CD2BP2: variants seen among roughly 807,000 people sequenced by gnomAD.
The protein encoded by CD2BP2 is CD2 cytoplasmic tail binding protein 2.
In CD2BP2, 27 loss-of-function variants were observed where a neutral mutation model predicts 35.9. The observed-to-expected ratio is 0.75, with a 90% CI of 0.55 to 1.04. The LOEUF is 1.04. Ranked by LOEUF, CD2BP2 falls within the 50% of genes least tolerant of loss-of-function variation. CD2BP2 has a pLI of 0.00. For synonymous variants in CD2BP2, 213 were observed against 173.5 expected, an observed-to-expected ratio of 1.23 and a Z score of -1.79; for missense variants, 497 against 444.3, an observed-to-expected ratio of 1.12 and a Z score of -1.07.
Position 30,352,772 on chromosome 16 carries a change from A to T in CD2BP2, c.*213T>A. On this transcript the variant is annotated 3_prime_UTR_variant, in exon 7 of 7. Coordinates refer to ENST00000305596, the MANE Select transcript of CD2BP2 (RefSeq NM_006110.3). ...AAGAAGGATCTTCATGGGAGTACTC[A>T]GGGACCAAGACAAGTCCAAAGGGAC... 1.7e-6 allele frequency: 1 copy of T among 581,122 alleles called. No homozygotes were observed. 36.0% of individuals were successfully genotyped at this position (581,122 alleles called of 1,614,324 possible). A position where few individuals can be genotyped will look rare whatever the true frequency, so the allele number is the denominator to read the frequency against.
At position 30,353,655 on chromosome 16, in the gene CD2BP2, G is replaced by A. The variant is rs759402691; in HGVS notation, c.521C>T (p.Ala174Val). ...LLLPRETVAG[A>V]LRRLGARGGG... Reference sequence around the variant, plus strand: ...TCCTCGGGCCCCCAGACGCCTCAGTGCCCCAGCCACTGTCTCTCTAGGCAA... The same window carrying A: ...TCCTCGGGCCCCCAGACGCCTCAGTACCCCAGCCACTGTCTCTCTAGGCAA... Residue 174 changes from alanine to valine, a missense_variant, in exon 5 of 7, where the codon GCA (alanine) becomes GTA (valine). Physicochemically the swap from Ala to Val is moderately conservative, Grantham distance 64 (BLOSUM62 0). Coordinates refer to ENST00000305596, the MANE Select transcript of CD2BP2 (RefSeq NM_006110.3). 6.2e-7 allele frequency: 1 copy of A among 1,604,282 alleles called. No homozygotes were observed. Among genetic ancestry groups the A allele is most frequent in the Non-Finnish European group, 8.5e-7 (1 of 1,177,350 alleles).
At chr16:30,354,450 G>T in intron 2 of CD2BP2, 128 bp from the exon 3 acceptor site, 1 of 1,379,820 alleles carries the variant, frequency 7.2e-7, no homozygotes, top group Non-Finnish European at 1.0e-6. Flanking sequence ...TATTTCAGGA[G>T]CCACACTAAA....
intron 2 of CD2BP2, 46 bp downstream of exon 2, chr16:30,354,558 C>G (rs1260265787): frequency 1.9e-6 from 3 of 1,588,144 alleles, no homozygotes; most frequent in African/African-American, 1.3e-5. Flanking sequence ...CCTCTTCAGG[C>G]TTCTAGCTCC....
intron 4 of CD2BP2, 48 bp from the exon 5 acceptor site, chr16:30,353,848 G>A: frequency 1.2e-6 from 2 of 1,608,954 alleles, no homozygotes; most frequent in South Asian, 1.1e-5. Context: ...CACGGGAGCA[G>A]GCCCAGCATC....
chr16:30,353,146 A>C (rs772806516), intron 6 of CD2BP2, 35 bp downstream of exon 6: 2 of 1,607,962 alleles, frequency 1.2e-6, no homozygotes, highest in Non-Finnish European at 8.5e-7. Flanking sequence ...TGGGGGAAGC[A>C]GGGACAAGGC....
Position 30,352,627 on chromosome 16 carries a change from G to C in CD2BP2, c.*358C>G, listed in dbSNP as rs2049491306. 2 of 240,964 alleles carry C rather than the reference G, an allele frequency of 8.3e-6. No homozygotes were observed. The highest frequency in any genetic ancestry group is 2.2e-5 in the African/African-American group (1 of 45,012). The allele number at this position is 240,964 out of a possible 1,614,324, so 14.9% of individuals were successfully genotyped here. A position where few individuals can be genotyped will look rare whatever the true frequency, so the allele number is the denominator to read the frequency against. ...AGAATCTGAGGTCCTGAAAGCCAAA[G>C]ACCTAAGAGGAATCGAACAAGAAAC... On this transcript the variant is annotated 3_prime_UTR_variant, in exon 7 of 7. Coordinates refer to ENST00000305596, the MANE Select transcript of CD2BP2 (RefSeq NM_006110.3).
Position 30,353,047 on chromosome 16 carries a change from G to C in CD2BP2, c.964C>G (p.Leu322Val), listed in dbSNP as rs775228068. ...YFPDGVYCRK[L>V]DPPGGQFYNS... The stretch of plus-strand genomic sequence containing the variant: ...TAGAACTGACCACCAGGGGGGTCCA[G>C]CTTCCGGCAATAAACACCGTCCGGG... The change falls in exon 7 of 7, where the codon CTG (leucine) becomes GTG (valine). Residue 322 changes from leucine to valine, a missense_variant. By Grantham distance (32) the Leu-to-Val change is conservative. Coordinates refer to ENST00000305596, the MANE Select transcript of CD2BP2 (RefSeq NM_006110.3). 1.9e-6 allele frequency: 3 copies of C among 1,614,092 alleles called. No homozygotes were observed. The highest frequency in any genetic ancestry group is 2.2e-5 in the South Asian group (2 of 91,074).
chr16:30,354,737 G>C (rs1280328849), intron 1 of CD2BP2, 30 bp from the exon 2 acceptor site: 13 of 1,447,334 alleles, frequency 9.0e-6, no homozygotes, highest in Non-Finnish European at 1.3e-5. Flanking sequence ...GAAGGGAACC[G>C]GGTGAGGAGG....
At position 30,353,976 on chromosome 16, in the gene CD2BP2, G is replaced by A. The variant is rs963779793; in HGVS notation, c.300C>T (p.His100=). Residue 100 remains histidine, a synonymous_variant, in exon 4 of 7, where the codon CAC becomes CAT. Transcript: ENST00000305596. ...GGAAGTAGTTGCCATCGGCATCAAA[G>A]TGGCCTTCCTCCATCTCCTCCTGCA... The part of the protein sequence containing the change: ...FNLQEEMEEG[H]FDADGNYFLN... 3 of 1,614,048 alleles carry A rather than the reference G, an allele frequency of 1.9e-6. No individual in the cohort carries two copies. The highest frequency in any genetic ancestry group is 2.5e-6 in the Non-Finnish European group (3 of 1,180,056).
Position 30,351,678 on chromosome 16 carries a change from A to AT in CD2BP2, c.*1306dup, listed in dbSNP as rs2049483183. The AT allele has an allele frequency of 6.6e-6, 1 of 152,484 alleles. No individual in the cohort carries two copies. The highest frequency in any genetic ancestry group is 6.6e-5 in the Admixed American group (1 of 15,252). 9.4% of individuals were successfully genotyped at this position (152,484 alleles called of 1,614,324 possible). A position where few individuals can be genotyped will look rare whatever the true frequency, so the allele number is the denominator to read the frequency against. ...CTGCAGCTCCAGTGCCCAGACCCCC[A>AT]TAACTAACAGACCCCACTAAAGCCA... On this transcript the variant is annotated 3_prime_UTR_variant, in exon 7 of 7. Coordinates refer to ENST00000305596, the MANE Select transcript of CD2BP2 (RefSeq NM_006110.3).
At chr16:30,354,749 G>A (rs1377750553) in intron 1 of CD2BP2, 42 bp from the exon 2 acceptor site, 4 of 1,371,080 alleles carry the variant, frequency 2.9e-6, no homozygotes, top group African/African-American at 1.4e-5. Flanking sequence ...GTGAGGAGGG[G>A]ACTCGCCAAC....
intron 6 of CD2BP2, 29 bp from the exon 7 acceptor site, chr16:30,353,124 A>AGTT (rs1567406558): frequency 6.2e-7 from 1 of 1,608,222 alleles, no homozygotes; most frequent in Non-Finnish European, 8.5e-7. Context: ...GCTGGGGAAC[A>AGTT]ACTGACAGGA....
chr16:30,354,228 C>T lies in CD2BP2; in HGVS notation c.173G>A (p.Gly58Glu). 6.2e-7 allele frequency: 1 copy of T among 1,614,066 alleles called. No individual in the cohort carries two copies. Among genetic ancestry groups the T allele is most frequent in the South Asian group, 1.1e-5 (1 of 91,082 alleles). The change falls in exon 3 of 7, where the codon GGG becomes GAG. Residue 58 changes from glycine (G) to glutamate (E), a missense_variant. Coordinates refer to ENST00000305596, the MANE Select transcript of CD2BP2 (RefSeq NM_006110.3). ...DSDEEEDDDD[G>E]GSSKYDILAS... ...CAAGATGTCATATTTGCTGGACCCCCCATCATCATCATCCTCCTCCTCATC... is the reference window on the plus strand; with the variant it reads ...CAAGATGTCATATTTGCTGGACCCCTCATCATCATCATCCTCCTCCTCATC...
Position 30,352,810 on chromosome 16 carries a change from C to A in CD2BP2, c.*175G>T. 3.3e-6 allele frequency: 2 copies of A among 607,150 alleles called. No individual in the cohort carries two copies. The allele number at this position is 607,150 out of a possible 1,614,324, so 37.6% of individuals were successfully genotyped here. A position where few individuals can be genotyped will look rare whatever the true frequency, so the allele number is the denominator to read the frequency against. On this transcript the variant is annotated 3_prime_UTR_variant, in exon 7 of 7. Coordinates refer to ENST00000305596, the MANE Select transcript of CD2BP2 (RefSeq NM_006110.3). ...AGTCCAAAGGGACTGTGGAGAAGGC[C>A]CCTGGCTTCTGGCCATCAGCACAGC...
chr16:30,353,836 G>A, intron 4 of CD2BP2, 36 bp from the exon 5 acceptor site: 1 of 1,606,240 alleles, frequency 6.2e-7, no homozygotes, highest in African/African-American at 1.3e-5. Flanking sequence ...CCCACCAACT[G>A]CCACGGGAGC....
At chr16:30,354,900 G>A in intron 1 of CD2BP2, 193 bp from the exon 2 acceptor site, 2 of 570,004 alleles carry the variant, frequency 3.5e-6, no homozygotes, top group East Asian at 3.0e-5. Context: ...AGTTAAACGG[G>A]GCGGGGACGG....
chr16:30,354,878 C>G, intron 1 of CD2BP2, 171 bp from the exon 2 acceptor site: 1 of 601,862 alleles, frequency 1.7e-6, no homozygotes, highest in East Asian at 2.8e-5. Flanking sequence ...GGACTTGGGT[C>G]TAGCATCCGC....
At position 30,353,469 on chromosome 16, in the gene CD2BP2, G is replaced by A. The variant is rs1178595820; in HGVS notation, c.707C>T (p.Thr236Ile). 1.9e-6 allele frequency: 3 copies of A among 1,614,052 alleles called. No individual in the cohort carries two copies. The highest frequency in any genetic ancestry group is 1.1e-5 in the South Asian group (1 of 91,080). The change falls in exon 5 of 7, where the codon ACC becomes ATC. Residue 236 changes from threonine (T) to isoleucine (I), a missense_variant. By Grantham distance (89) the Thr-to-Ile change is moderately conservative. Coordinates refer to ENST00000305596, the MANE Select transcript of CD2BP2 (RefSeq NM_006110.3). The stretch of plus-strand genomic sequence containing the variant: ...GGGTGTGGGATTGTGGGGTCCTAGG[G>A]TCTGACACCCCAAACCCTTCAGACG... The part of the protein sequence containing the change: ...AMRLKGLGCQ[T>I]LGPHNPTPPP...
At position 30,353,217 on chromosome 16, in the gene CD2BP2, G is replaced by A. The variant is rs759162174; in HGVS notation, c.879C>T (p.Ala293=). 52 of 1,614,000 alleles carry A rather than the reference G, an allele frequency of 3.2e-5. No individual in the cohort carries two copies. The highest frequency in any genetic ancestry group is 4.0e-5 in the Non-Finnish European group (47 of 1,180,000). Residue 293 remains alanine, a synonymous_variant, in exon 6 of 7, where the codon GCC becomes GCT. Coordinates refer to ENST00000305596, the MANE Select transcript of CD2BP2 (RefSeq NM_006110.3). ...CGCTGGTGAAGGGCCCATACAGCTC[G>A]GCATCCCCCGTGTTCTCCCACTTAT... The part of the protein sequence containing the change: ...WEYKWENTGD[A]ELYGPFTSAQ...
Sources: gnomAD v4.1 joint callset for allele counts on GRCh38, gnomAD v4.1.1 for gene constraint, MANE v1.5 for transcripts, NCBI Gene and HGNC (gene_info 2026-07-23, HGNC 2026-07-21) for gene names.